The following DYNC2H1 variants were observed in gnomAD, a reference collection of about 807,000 sequenced individuals.
DYNC2H1 encodes cytoplasmic dynein 2 heavy chain 1.
A neutral mutation model predicts 570.0 loss-of-function variants in DYNC2H1; 410 were observed. The observed-to-expected ratio is 0.72, with a 90% CI of 0.66 to 0.78. The LOEUF is 0.78. Among genes scored for constraint, DYNC2H1 ranks in the 30% least tolerant of loss-of-function variants. The pLI, the probability that DYNC2H1 is intolerant of heterozygous loss-of-function variation, is 0.00. For missense variants in DYNC2H1, 4,865 were observed against 5,046.4 expected (o/e 0.96, Z 1.09); for synonymous variants, 1,688 against 1,677.6 (o/e 1.01, Z -0.15).
Position 103,153,407 on chromosome 11 carries a change from T to C in DYNC2H1, c.3201T>C (p.Val1067=), listed in dbSNP as rs1243764817. The stretch of plus-strand genomic sequence containing the variant: ...ACCAACTAAAGCCTGGTGATGATGT[T>C]ATTGAAACTGGCCAACATAATACTC... ...RWDQLKPGDD[V]IETGQHNTLD... The change falls in exon 22 of 89, where the codon GTT becomes GTC. Residue 1067 remains valine (V), a synonymous_variant. Coordinates refer to ENST00000375735, the MANE Select transcript of DYNC2H1 (RefSeq NM_001377.3). 2.6e-6 allele frequency: 4 copies of C among 1,560,606 alleles called. No individual in the cohort carries two copies. Among genetic ancestry groups the C allele is most frequent in the Non-Finnish European group, 3.5e-6 (4 of 1,151,598 alleles).
At chr11:103,391,720 A>C (rs1298476732) in intron 83 of DYNC2H1, among the ~76,000 whole-genome samples, 1 of 152,208 alleles carries the variant, frequency 6.6e-6, no homozygotes, top group Non-Finnish European at 1.5e-5. Flanking sequence ...CTAACAGTAA[A>C]GACCCTCAGC....
chr11:103,255,582 T>A (rs1229599443), intron 67 of DYNC2H1, 48 bp downstream of exon 67: 2 of 1,485,920 alleles, frequency 1.3e-6, no homozygotes, highest in Non-Finnish European at 1.8e-6. Context: ...ACTTTTTTTT[T>A]AATGAATACA....
rs547159267 is a variant in DYNC2H1 at position 103,109,542 on chromosome 11, C to T, written c.-33C>T. 2.0e-5 allele frequency: 32 copies of T among 1,600,976 alleles called. No individual in the cohort carries two copies. The South Asian group carries it at 2.3e-4, about 12-fold the overall frequency. ...CCGGACTGGTTTCTTCTTCCTTCCC[C>T]CTTCCCCCAACTTCCCTCCACCCCT... On this transcript the variant is annotated 5_prime_UTR_variant, in exon 1 of 89. Transcript: ENST00000375735.
At position 103,462,778 on chromosome 11, in the gene DYNC2H1, C is replaced by A. The variant is rs189410174; in HGVS notation, c.12649-5811C>A. ...GTATATCTAATGTTTCAGTAAATTG[C>A]ATTTATTTTATTTTTCATGTGCAGT... On this transcript the variant is annotated intron_variant, in intron 87 of 88. Transcript: ENST00000375735. Among the ~76,000 whole-genome samples, 346 of 152,172 alleles carry A rather than the reference C, an allele frequency of 2.3e-3. 5 individuals are homozygous for A. The highest frequency in any genetic ancestry group is 0.02 in the Admixed American group (310 of 15,268).
Position 103,223,004 on chromosome 11 carries a change from G to T in DYNC2H1, c.9271G>T (p.Ala3091Ser). ...CAGTACTGCAGCTGCACCTTTGGCT[G>T]CCTGGGTGAAAGCCAATATTCAGTA... The part of the protein sequence containing the change: ...RASTAAAPLA[A>S]WVKANIQYSH... The change falls in exon 59 of 89, where the codon GCC becomes TCC. Residue 3091 changes from alanine (A) to serine (S), a missense_variant. Physicochemically the swap from Ala to Ser is moderately conservative, Grantham distance 99. Transcript: ENST00000375735. The T allele has an allele frequency of 6.2e-7, 1 of 1,613,444 alleles. No individual in the cohort carries two copies. Among genetic ancestry groups the T allele is most frequent in the Non-Finnish European group, 8.5e-7 (1 of 1,179,578 alleles).
At chr11:103,380,300 A>C (rs1201410117) in intron 83 of DYNC2H1, among the ~76,000 whole-genome samples, 1 of 152,196 alleles carries the variant, frequency 6.6e-6, no homozygotes, top group East Asian at 1.9e-4. Context: ...AAAGAACGTA[A>C]TAACCACTTC....
chr11:103,266,929 A>G (rs1264556119), intron 70 of DYNC2H1, among the ~76,000 whole-genome samples: 1 of 152,190 alleles, frequency 6.6e-6, no homozygotes, highest in African/African-American at 2.4e-5. Context: ...TTAGAGCTAA[A>G]GTCTCCAATG....
chr11:103,193,286 C>T (rs1862390874), intron 47 of DYNC2H1, among the ~76,000 whole-genome samples: 1 of 152,074 alleles, frequency 6.6e-6, no homozygotes, highest in Admixed American at 6.5e-5. Context: ...GCTTGCATGG[C>T]TTAGTGTGGA....
chr11:103,416,715 A>T (rs1274103438), intron 84 of DYNC2H1, among the ~76,000 whole-genome samples: 1 of 152,220 alleles, frequency 6.6e-6, no homozygotes, highest in African/African-American at 2.4e-5. Flanking sequence ...ACCATTCAGG[A>T]CATAGGCACT....
At chr11:103,166,761 T>G (rs1861322569) in intron 31 of DYNC2H1, among the ~76,000 whole-genome samples, 1 of 152,100 alleles carries the variant, frequency 6.6e-6, no homozygotes, top group African/African-American at 2.4e-5. Context: ...TCTCATATTC[T>G]TTAGTTTTCA....
At chr11:103,345,530 C>A (rs1939700427) in intron 82 of DYNC2H1, among the ~76,000 whole-genome samples, 1 of 152,104 alleles carries the variant, frequency 6.6e-6, no homozygotes, top group South Asian at 2.1e-4. Context: ...TAAAGTGGTA[C>A]TTCATTGTGA....
chr11:103,479,255 A>G lies in DYNC2H1; in HGVS notation c.*2A>G. On this transcript the variant is annotated 3_prime_UTR_variant, in exon 89 of 89. Transcript: ENST00000375735. ...GCTCTATTCCTAAAAAATCAGTAGA[A>G]TCTAATGACAACAAAAGCCATCTTC... is the stretch of plus-strand genomic sequence containing the variant. 1 of 1,607,314 alleles carries G rather than the reference A, an allele frequency of 6.2e-7. No individual in the cohort carries two copies. Among genetic ancestry groups the G allele is most frequent in the Non-Finnish European group, 8.5e-7 (1 of 1,176,228 alleles).
rs1348599400 is a variant in DYNC2H1 at position 103,326,778 on chromosome 11, C to G, written c.12039+2788C>G. On this transcript the variant is annotated intron_variant, in intron 82 of 88. Coordinates refer to ENST00000375735, the MANE Select transcript of DYNC2H1 (RefSeq NM_001377.3). The surrounding 1 kb of genome is among the most constrained non-coding windows in gnomAD (Gnocchi z 6.1). The stretch of plus-strand genomic sequence containing the variant: ...ATGTGCCCCAATCCTGTGGGGGAAG[C>G]CAGCCTGCTGTCTCTTGGCCTGGCA... 6.6e-6 allele frequency among the ~76,000 whole-genome samples: 1 copy of G among 152,178 alleles called. No individual in the cohort carries two copies. Among genetic ancestry groups the G allele is most frequent in the Non-Finnish European group, 1.5e-5 (1 of 68,018 alleles).
chr11:103,466,985 A>G (rs1945213094), intron 87 of DYNC2H1, among the ~76,000 whole-genome samples: 1 of 152,178 alleles, frequency 6.6e-6, no homozygotes, highest in African/African-American at 2.4e-5. Context: ...AATATTCACC[A>G]GCAGAAAAAT....
chr11:103,232,135 A>AT (rs1565416027), intron 60 of DYNC2H1, among the ~76,000 whole-genome samples: 1 of 152,040 alleles, frequency 6.6e-6, no homozygotes, highest in African/African-American at 2.4e-5. Context: ...AGCACTTAAT[A>AT]TTCAGCTAAT....
Position 103,249,057 on chromosome 11 carries a change from A to G in DYNC2H1, c.10042+3683A>G. Among the ~76,000 whole-genome samples, 1 of 151,970 alleles carries G rather than the reference A, an allele frequency of 6.6e-6. No homozygotes were observed. Among genetic ancestry groups the G allele is most frequent in the East Asian group, 1.9e-4 (1 of 5,182 alleles). On this transcript the variant is annotated intron_variant, in intron 65 of 88. Coordinates refer to ENST00000375735, the MANE Select transcript of DYNC2H1 (RefSeq NM_001377.3). The surrounding 1 kb of genome is among the most constrained non-coding windows in gnomAD (Gnocchi z 4.6). ...CACAGATTCTGTGTTCAGAGGAAAAAAGTAGTCAAAATTAACTGCATCACA... is the reference window on the plus strand; with the variant it reads ...CACAGATTCTGTGTTCAGAGGAAAAGAGTAGTCAAAATTAACTGCATCACA...
intron 85 of DYNC2H1, among the ~76,000 whole-genome samples, chr11:103,441,355 C>T (rs1217974278): frequency 2.0e-5 from 3 of 150,590 alleles, no homozygotes; most frequent in African/African-American, 7.3e-5. Flanking sequence ...GTAACCCCCG[C>T]ACTCCCCCCT....
rs780337962 is a variant in DYNC2H1, at chr11:103,113,542, G to C, written c.201G>C (p.Glu67Asp). The change falls in exon 2 of 89, where the codon GAG becomes GAC. Residue 67 changes from glutamate to aspartate, a missense_variant. Around this residue, in one of 5 missense-constraint regions of DYNC2H1, gnomAD observed 1,936 missense variants for 1,962.1 expected, o/e 0.99. Coordinates refer to ENST00000375735, the MANE Select transcript of DYNC2H1 (RefSeq NM_001377.3). ...AAAATCATTTATCACTTTAGATTGA[G>C]TTTGGTGACACAAAAGATAAAGTGC... ...DAGISFSNTI[E>D]FGDTKDKVLV... The C allele has an allele frequency of 2.6e-6, 4 of 1,550,152 alleles. No homozygotes were observed. In the South Asian group the frequency reaches 5.3e-5, roughly 20 times the overall value.
At chr11:103,371,797 AT>A (rs1478048386) in intron 83 of DYNC2H1, among the ~76,000 whole-genome samples, 1 of 152,064 alleles carries the variant, frequency 6.6e-6, no homozygotes, top group Non-Finnish European at 1.5e-5. Flanking sequence ...TTGTATGTTA[AT>A]TTTGTATCAT....
Sources: gnomAD v4.1 joint callset for allele counts (sites outside exome capture counted in the v4.1 genomes callset) on GRCh38, gnomAD v4.1.1 for gene constraint, gnomAD v4.1.1 regional missense constraint, Gnocchi (gnomAD v3.1) non-coding constraint, MANE v1.5 for transcripts, NCBI Gene and HGNC (gene_info 2026-07-23, HGNC 2026-07-21) for gene names.